Variants in INSL6 observed in about 807,000 individuals in gnomAD.
INSL6 encodes the protein insulin like 6, also known as insulin-like peptide INSL6.
INSL6 carries 16 observed loss-of-function variants against 9.4 expected under a neutral mutation model. That is an observed-to-expected ratio of 1.70 (90% CI 1.15 to 2.59). INSL6 has a LOEUF of 2.59. Ranked by LOEUF, INSL6 falls within the 30% of genes most tolerant of loss-of-function variation. The pLI, the probability that INSL6 is intolerant of heterozygous loss-of-function variation, is 0.00. For synonymous variants in INSL6, 154 were observed against 96.9 expected (o/e 1.59, Z -3.46); for missense variants, 391 against 257.3 (o/e 1.52, Z -3.56).
At chr9:5,080,354 C>T in the INSL6 span, 1 of 1,613,310 alleles carries the variant, frequency 6.2e-7, no homozygotes, top group South Asian at 1.1e-5. Flanking sequence ...AGGAGATAAA[C>T]CTCTAAGTGC....
At chr9:5,032,992 C>A in the INSL6 span, among the ~76,000 whole-genome samples, 7 of 151,994 alleles carry the variant, frequency 4.6e-5, no homozygotes, top group Non-Finnish European at 8.8e-5. Flanking sequence ...AAGTTAAAAA[C>A]CTTGAAAAAA....
chr9:5,067,559 T>C, the INSL6 span, among the ~76,000 whole-genome samples: 4 of 152,068 alleles, frequency 2.6e-5, no homozygotes, highest in Non-Finnish European at 5.9e-5. Context: ...TGCCATCACT[T>C]TACCTTTGTG....
the INSL6 span, chr9:5,069,933 A>T: frequency 6.3e-7 from 1 of 1,594,740 alleles, no homozygotes; most frequent in South Asian, 1.1e-5. Flanking sequence ...AGATAAATCA[A>T]ACCTTCTAGT....
At chr9:5,096,560 A>G in the INSL6 span, 4 of 152,188 alleles carry the variant, frequency 2.6e-5, no homozygotes, top group African/African-American at 4.8e-5. Flanking sequence ...TGAATTTGCA[A>G]TTCAACATAA....
At chr9:4,998,464 T>C in the INSL6 span, among the ~76,000 whole-genome samples, 11 of 151,690 alleles carry the variant, frequency 7.3e-5, no homozygotes, top group Admixed American at 2.6e-4. Flanking sequence ...ACCATGTTGG[T>C]CAGGCTGGTC....
intron 1 of INSL6, among the ~76,000 whole-genome samples, chr9:5,183,828 G>C (rs1057020783): frequency 3.9e-5 from 6 of 152,052 alleles, no homozygotes; most frequent in African/African-American, 1.4e-4. Flanking sequence ...TCAAAAGTGT[G>C]GGCCACGAAC....
Position 5,182,103 on chromosome 9 carries a change from C to T in INSL6, c.289+3211G>A, listed in dbSNP as rs1277331122. On this transcript the variant is annotated intron_variant, in intron 1 of 1. Transcript: ENST00000381641. ...AAACACTTCTAGGTTCATAAGGGGA[C>T]ACATACAATGATGTTCATGGCAGTG... Among the ~76,000 whole-genome samples, 3 of 152,124 alleles carry T rather than the reference C, an allele frequency of 2.0e-5. No homozygotes were observed. The South Asian group carries it at 6.2e-4, about 32-fold the overall frequency.
chr9:5,065,041 G>A, the INSL6 span: 3 of 1,572,092 alleles, frequency 1.9e-6, no homozygotes, highest in East Asian at 2.3e-5. Flanking sequence ...GCCCAATTTC[G>A]TGAGTAATAC....
At chr9:5,069,031 G>A in the INSL6 span, 1 of 1,575,254 alleles carries the variant, frequency 6.3e-7, no homozygotes, top group Non-Finnish European at 8.6e-7. Context: ...GCGAGAAAAT[G>A]TCATTGAATA....
At chr9:5,022,076 A>G in the INSL6 span, 8 of 1,614,106 alleles carry the variant, frequency 5.0e-6, no homozygotes, top group South Asian at 2.2e-5. Flanking sequence ...GGAAATGCCA[A>G]TTCTATGAAG....
At chr9:5,024,009 C>A in the INSL6 span, among the ~76,000 whole-genome samples, 1 of 152,088 alleles carries the variant, frequency 6.6e-6, no homozygotes, top group Non-Finnish European at 1.5e-5. Flanking sequence ...GTAATCCCAG[C>A]ACTTTGGGAG....
chr9:5,179,487 T>C (rs1260776663), intron 1 of INSL6, among the ~76,000 whole-genome samples: 1 of 148,490 alleles, frequency 6.7e-6, no homozygotes, highest in East Asian at 1.9e-4. Context: ...CAGCAATCCA[T>C]TACTGGGTGT....
intron 1 of INSL6, among the ~76,000 whole-genome samples, chr9:5,181,707 T>A (rs531059256): frequency 6.6e-6 from 1 of 152,292 alleles, no homozygotes; most frequent in East Asian, 1.9e-4. Flanking sequence ...CAACAACTAG[T>A]TGTTACTGTA....
At chr9:4,997,216 AG>A in the INSL6 span, among the ~76,000 whole-genome samples, 5 of 151,830 alleles carry the variant, frequency 3.3e-5, no homozygotes, top group African/African-American at 1.2e-4. Context: ...ATGGTTCTGG[AG>A]CCACCGCGCA....
chr9:5,136,552 C>A (rs1243800262), intron 2 of INSL6, among the ~76,000 whole-genome samples: 1 of 152,132 alleles, frequency 6.6e-6, no homozygotes, highest in Non-Finnish European at 1.5e-5. Flanking sequence ...CAGAAAAGGC[C>A]TTTGACAAAA....
At chr9:5,177,939 G>C (rs990598612) in intron 1 of INSL6, among the ~76,000 whole-genome samples, 2 of 152,082 alleles carry the variant, frequency 1.3e-5, no homozygotes, top group African/African-American at 4.8e-5. Flanking sequence ...ACAGTGGCGT[G>C]ATCTTGGCTC....
At chr9:5,172,905 G>T (rs1438369296) in intron 1 of INSL6, among the ~76,000 whole-genome samples, 2 of 151,618 alleles carry the variant, frequency 1.3e-5, no homozygotes, top group Non-Finnish European at 2.9e-5. Context: ...TCTAGCCTGG[G>T]TGACAAAGCA....
At chr9:5,110,311 T>TACG in the INSL6 span, 1 of 152,210 alleles carries the variant, frequency 6.6e-6, no homozygotes, top group African/African-American at 2.4e-5. Flanking sequence ...CCAGGGGCTG[T>TACG]TACCACCTTA....
At chr9:5,146,801 A>C (rs970384662) in intron 2 of INSL6, among the ~76,000 whole-genome samples, 2 of 152,102 alleles carry the variant, frequency 1.3e-5, no homozygotes, top group African/African-American at 4.8e-5. Flanking sequence ...TGGGGATGAA[A>C]TGTGTGGGCT....
Sources: gnomAD v4.1 joint callset for allele counts (sites outside exome capture counted in the v4.1 genomes callset) on GRCh38, gnomAD v4.1.1 for gene constraint, MANE v1.5 for transcripts, NCBI Gene and HGNC (gene_info 2026-07-23, HGNC 2026-07-21) for gene names.